KIF3B: variants seen among roughly 807,000 people sequenced by gnomAD.
KIF3B encodes the protein kinesin-like protein KIF3B.
Under a neutral mutation model 74.3 loss-of-function variants are expected in KIF3B, and 38 were observed. The ratio of observed to expected loss-of-function variants is 0.51; its 90% confidence interval spans 0.39 to 0.67. The LOEUF (loss-of-function observed/expected upper bound fraction) is 0.67. Ranked by LOEUF, KIF3B falls within the 30% of genes least tolerant of loss-of-function variation. The pLI, the probability that KIF3B is intolerant of heterozygous loss-of-function variation, is 0.00. For synonymous variants in KIF3B, 326 were observed against 342.5 expected, an observed-to-expected ratio of 0.95 and a Z score of 0.53; for missense variants, 649 against 932.0, an observed-to-expected ratio of 0.70 and a Z score of 3.95.
intron 1 of KIF3B, among the ~76,000 whole-genome samples, chr20:32,287,911 C>G (rs1179800713): frequency 9.6e-6 from 1 of 104,474 alleles, no homozygotes; most frequent in East Asian, 3.4e-4. Flanking sequence ...CAGATGGAGT[C>G]TCACTCTGTC....
rs1555896694 is a variant in KIF3B at position 32,322,742 on chromosome 20, T to TTATATATATATTTATATA, written c.1749-4026_1749-4025insATATATATTTATATATAT. Reference sequence around the variant, plus strand: ...TTTATATTTATTTATTTATATATATTTATTTATATATATATTTATATATAT... The same window carrying TTATATATATATTTATATA: ...TTTATATTTATTTATTTATATATATTTATATATATATTTATATATATTTATATATATATTTATATATAT... On this transcript the variant is annotated intron_variant, in intron 5 of 8. Transcript: ENST00000375712. Among the ~76,000 whole-genome samples the TTATATATATATTTATATA allele has an allele frequency of 3.0e-3, 142 of 46,682 alleles. 22 individuals are homozygous for TTATATATATATTTATATA. Among genetic ancestry groups the TTATATATATATTTATATA allele is most frequent in the African/African-American group, 0.015 (125 of 8,272 alleles). The allele number at this position is 46,682 out of a possible 152,430, so 30.6% of individuals were successfully genotyped here.
At chr20:32,304,319 T>C (rs550398710) in intron 1 of KIF3B, among the ~76,000 whole-genome samples, 1 of 152,238 alleles carries the variant, frequency 6.6e-6, no homozygotes, top group Non-Finnish European at 1.5e-5. Context: ...CTGCTTCACC[T>C]TCTCCCACCA....
rs994401564 is a variant in KIF3B, at chr20:32,333,234, C to T, written c.*1915C>T. On this transcript the variant is annotated 3_prime_UTR_variant, in exon 9 of 9. Coordinates refer to ENST00000375712, the MANE Select transcript of KIF3B (RefSeq NM_004798.4). ...AAAACGCTAAGGTGGGTAGCCTAAG[C>T]TGATTTTCTGCTGGTTACACGTGTC... is the stretch of plus-strand genomic sequence containing the variant. 6.6e-6 allele frequency: 1 copy of T among 152,132 alleles called. No homozygotes were observed. 9.4% of individuals were successfully genotyped at this position (152,132 alleles called of 1,614,324 possible). A position where few individuals can be genotyped will look rare whatever the true frequency, so the allele number is the denominator to read the frequency against.
At chr20:32,287,404 C>T (rs1167288086) in intron 1 of KIF3B, among the ~76,000 whole-genome samples, 1 of 152,096 alleles carries the variant, frequency 6.6e-6, no homozygotes, top group Non-Finnish European at 1.5e-5. Flanking sequence ...TCACCGTAAC[C>T]TCCAGCTCCT....
At chr20:32,321,164 T>C (rs2047857710) in intron 5 of KIF3B, among the ~76,000 whole-genome samples, 1 of 152,168 alleles carries the variant, frequency 6.6e-6, no homozygotes, top group Non-Finnish European at 1.5e-5. Context: ...GCGCTGTGGC[T>C]CATGCCTGTA....
In KIF3B at chr20:32,310,231, A is replaced by G. The variant is rs750891293; in HGVS notation, c.454A>G (p.Ile152Val). 21 of 1,613,978 alleles carry G rather than the reference A, an allele frequency of 1.3e-5. No homozygotes were observed. The highest frequency in any genetic ancestry group is 1.7e-5 in the Non-Finnish European group (20 of 1,179,930). ...ASYLEIYQEE[I>V]RDLLSKDQTK... The stretch of plus-strand genomic sequence containing the variant: ...TTACTTAGAGATCTACCAGGAGGAG[A>G]TCCGAGATTTGCTCTCAAAGGATCA... Residue 152 changes from isoleucine to valine, a missense_variant, in exon 2 of 9, where the codon ATC (isoleucine) becomes GTC (valine). Ile to Val is a conservative substitution (Grantham distance 29). This residue lies in a region of KIF3B where 363 missense variants were observed against 592.8 expected (regional missense o/e 0.61). Transcript: ENST00000375712. This position sits in a 1 kb window ranked among gnomAD's most constrained non-coding sequence, Gnocchi z 6.5.
At chr20:32,283,666 C>T (rs1222786250) in intron 1 of KIF3B, among the ~76,000 whole-genome samples, 1 of 151,110 alleles carries the variant, frequency 6.6e-6, no homozygotes, top group East Asian at 2.0e-4. Flanking sequence ...AAAAATTAGT[C>T]GGGTGTGGTG....
Position 32,310,259 on chromosome 20 carries a change from C to T in KIF3B, c.482C>T (p.Thr161Ile), listed in dbSNP as rs766448828. The change falls in exon 2 of 9, where the codon ACC (threonine) becomes ATC (isoleucine). Residue 161 changes from threonine to isoleucine, a missense_variant. Physicochemically the swap from Thr to Ile is moderately conservative, Grantham distance 89. Transcript: ENST00000375712. This position sits in a 1 kb window ranked among gnomAD's most constrained non-coding sequence, Gnocchi z 6.5. ...CGAGATTTGCTCTCAAAGGATCAGACCAAAAGGCTTGAGCTCAAAGAGAGG... is the reference window on the plus strand; with the variant it reads ...CGAGATTTGCTCTCAAAGGATCAGATCAAAAGGCTTGAGCTCAAAGAGAGG... ...EIRDLLSKDQTKRLELKERPD... is the reference protein window; with the variant it reads ...EIRDLLSKDQIKRLELKERPD... 1 of 1,613,962 alleles carries T rather than the reference C, an allele frequency of 6.2e-7. No homozygotes were observed. Among genetic ancestry groups the T allele is most frequent in the South Asian group, 1.1e-5 (1 of 91,086 alleles).
intron 2 of KIF3B, among the ~76,000 whole-genome samples, chr20:32,312,470 G>A (rs1046444145): frequency 6.6e-6 from 1 of 151,834 alleles, no homozygotes; most frequent in Non-Finnish European, 1.5e-5. Context: ...TCCTGAATTC[G>A]GTGTTTATTG....
At chr20:32,309,182 A>T (rs1453619606) in intron 1 of KIF3B, among the ~76,000 whole-genome samples, 4 of 150,996 alleles carry the variant, frequency 2.6e-5, no homozygotes, top group African/African-American at 7.3e-5. Flanking sequence ...GTGTGCAGCT[A>T]ATTGTTGTTG....
At chr20:32,318,243 A>C (rs546005367) in intron 5 of KIF3B, among the ~76,000 whole-genome samples, 1 of 151,904 alleles carries the variant, frequency 6.6e-6, no homozygotes, top group African/African-American at 2.4e-5. Flanking sequence ...CGGAGGTTGC[A>C]GTGAGCTGAG....
chr20:32,330,323 A>G lies in KIF3B; in HGVS notation c.2147+4A>G, dbSNP rs374390072. On this transcript the variant is annotated splice_donor_region_variant and intron_variant, in intron 8 of 8. Coordinates refer to ENST00000375712, the MANE Select transcript of KIF3B (RefSeq NM_004798.4). The stretch of plus-strand genomic sequence containing the variant: ...CAAATAAGAAATCCAAGGCCAGGTG[A>G]GTGGCTTTGATGACGTGTGTTTAAA... 5 of 1,612,976 alleles carry G rather than the reference A, an allele frequency of 3.1e-6. No individual in the cohort carries two copies. The highest frequency in any genetic ancestry group is 4.2e-6 in the Non-Finnish European group (5 of 1,179,180).
chr20:32,316,910 C>G (rs750141496), intron 5 of KIF3B, 36 bp downstream of exon 5: 2 of 1,401,948 alleles, frequency 1.4e-6, no homozygotes, highest in Non-Finnish European at 1.0e-6. Flanking sequence ...CCCCAAGCCA[C>G]TTGCTGAGTC....
chr20:32,296,804 G>T (rs974668165), intron 1 of KIF3B, among the ~76,000 whole-genome samples: 2 of 152,064 alleles, frequency 1.3e-5, no homozygotes, highest in Non-Finnish European at 2.9e-5. Flanking sequence ...AGTTCTGCAG[G>T]ACAGTGGTGT....
chr20:32,303,134 A>G (rs996298963), intron 1 of KIF3B, among the ~76,000 whole-genome samples: 1 of 152,210 alleles, frequency 6.6e-6, no homozygotes, highest in African/African-American at 2.4e-5. Flanking sequence ...TAATGACTAC[A>G]TTCCTGAAGG....
Position 32,330,218 on chromosome 20 carries a change from C to T in KIF3B, c.2046C>T (p.Pro682=). 1 of 1,614,136 alleles carries T rather than the reference C, an allele frequency of 6.2e-7. No individual in the cohort carries two copies. The highest frequency in any genetic ancestry group is 1.1e-5 in the South Asian group (1 of 91,076). The change falls in exon 8 of 9, where the codon CCC becomes CCT. Residue 682 remains proline (P), a synonymous_variant. Coordinates refer to ENST00000375712, the MANE Select transcript of KIF3B (RefSeq NM_004798.4). ...TRDYEGPAIA[P]KVQAALDAAL... is the part of the protein sequence containing the mutation. ...ACTATGAGGGTCCAGCCATTGCCCC[C>T]AAGGTCCAGGCTGCATTGGATGCGG...
rs1179088826 is a variant in KIF3B at position 32,299,392 on chromosome 20, TATATA to T, written c.-65-10320_-65-10316del. Among the ~76,000 whole-genome samples the T allele has an allele frequency of 9.3e-4, 44 of 47,290 alleles. No individual in the cohort carries two copies. The East Asian group carries it at 0.038, about 41-fold the overall frequency. The allele number at this position is 47,290 out of a possible 152,430, so 31.0% of individuals were successfully genotyped here. A position where few individuals can be genotyped will look rare whatever the true frequency, so the allele number is the denominator to read the frequency against. On this transcript the variant is annotated intron_variant, in intron 1 of 8. Transcript: ENST00000375712. ...AATGGTGTGTGTGTATATATATATA[TATATA>T]TATATATTTTTTTTTTTTTTTTTTT...
chr20:32,297,359 C>A (rs1479104895), intron 1 of KIF3B, among the ~76,000 whole-genome samples: 1 of 152,134 alleles, frequency 6.6e-6, no homozygotes, highest in Admixed American at 6.6e-5. Flanking sequence ...TTTGGAGATA[C>A]CACATACTCA....
At chr20:32,281,954 A>G (rs2047645181) in intron 1 of KIF3B, among the ~76,000 whole-genome samples, 2 of 152,144 alleles carry the variant, frequency 1.3e-5, no homozygotes, top group Non-Finnish European at 2.9e-5. Flanking sequence ...GGGTGGATGT[A>G]GGGGATGGAA....
Sources: gnomAD v4.1 joint callset for allele counts (sites outside exome capture counted in the v4.1 genomes callset) on GRCh38, gnomAD v4.1.1 for gene constraint, gnomAD v4.1.1 regional missense constraint, Gnocchi (gnomAD v3.1) non-coding constraint, MANE v1.5 for transcripts, NCBI Gene and HGNC (gene_info 2026-07-23, HGNC 2026-07-21) for gene names.